SRD5A2: variants seen among roughly 807,000 people sequenced by gnomAD.
The protein encoded by SRD5A2 is steroid 5 alpha-reductase 2, also known as 3-oxo-5-alpha-steroid 4-dehydrogenase 2.
SRD5A2 carries 30 observed loss-of-function variants against 27.4 expected under a neutral mutation model. The ratio of observed to expected loss-of-function variants is 1.10; its 90% CI spans 0.82 to 1.49. The LOEUF (loss-of-function observed/expected upper bound fraction) is 1.49. Ranked by LOEUF, SRD5A2 falls within the 40% of genes most tolerant of loss-of-function variation. The pLI is 0.00. For synonymous variants in SRD5A2, 141 were observed against 133.6 expected (o/e 1.06, Z -0.38); for missense variants, 348 against 323.4 (o/e 1.08, Z -0.58).
upstream of SRD5A2, among the ~76,000 whole-genome samples, chr2:31,583,259 C>T (rs148462873): frequency 3.5e-4 from 53 of 152,254 alleles, no homozygotes; most frequent in Non-Finnish European, 5.7e-4. Flanking sequence ...AACAAAAGTA[C>T]GAGAGTAGAA....
At chr2:31,557,147 C>T (rs1186859538) in intron 1 of SRD5A2, among the ~76,000 whole-genome samples, 1 of 152,200 alleles carries the variant, frequency 6.6e-6, no homozygotes, top group Non-Finnish European at 1.5e-5. Flanking sequence ...AGTCACATGT[C>T]CACATCAGAG....
intron 1 of SRD5A2, among the ~76,000 whole-genome samples, chr2:31,552,790 A>G (rs1477706653): frequency 1.3e-5 from 2 of 152,136 alleles, no homozygotes; most frequent in Non-Finnish European, 2.9e-5. Flanking sequence ...TTAACTGTCA[A>G]CACCACTCCA....
chr2:31,622,310 T>C, the SRD5A2 span, among the ~76,000 whole-genome samples: 1 of 152,164 alleles, frequency 6.6e-6, no homozygotes, highest in Non-Finnish European at 1.5e-5. Flanking sequence ...TCATTCCTTT[T>C]TCTAGCTGCA....
At chr2:31,597,693 A>G in the SRD5A2 span, among the ~76,000 whole-genome samples, 11 of 152,190 alleles carry the variant, frequency 7.2e-5, no homozygotes, top group Non-Finnish European at 1.2e-4. Context: ...CAAGAAACAT[A>G]TTAAAAAATG....
chr2:31,580,692 CG>C lies in SRD5A2; in HGVS notation c.208del (p.Arg70GlyfsTer61). On this transcript the variant is annotated frameshift_variant, in exon 1 of 5. Transcript: ENST00000622030. LOFTEE classifies it high-confidence loss of function. ...TGGCCCGAAGAGGGAGAGGGGCTGC[CG>C]GGCGAGGATCCCCGCGGGCACCGCG... ...SFAVPAGILA[R>X]QPLSLFGPPG... 1.2e-6 allele frequency: 2 copies of C among 1,600,894 alleles called. No homozygotes were observed. The highest frequency in any genetic ancestry group is 1.7e-6 in the Non-Finnish European group (2 of 1,178,250).
the SRD5A2 span, among the ~76,000 whole-genome samples, chr2:31,633,179 T>G: frequency 6.6e-6 from 1 of 152,158 alleles, no homozygotes; most frequent in Non-Finnish European, 1.5e-5. Context: ...GCCCCAGTAC[T>G]CAACAGGATA....
At chr2:31,631,760 A>T in the SRD5A2 span, among the ~76,000 whole-genome samples, 26 of 152,324 alleles carry the variant, frequency 1.7e-4, no homozygotes, top group South Asian at 5.4e-3. Context: ...GATCTCTGTT[A>T]TCTCAGTCAG....
rs1178585185 is a variant in SRD5A2 at position 31,533,675 on chromosome 2, G to C, written c.373C>G (p.Leu125Val). ...CAGTAAATCAGATAGTAGCCTTGAA[G>C]GACTCCATTTCCAGTGCAGAAGGCA... is the stretch of plus-strand genomic sequence containing the variant. ...GTAFCTGNGVLQGYYLIYCAE... is the reference protein window; with the variant it reads ...GTAFCTGNGVVQGYYLIYCAE... Residue 125 changes from leucine to valine, a missense_variant, in exon 2 of 5, where the codon CTT becomes GTT. Transcript: ENST00000622030. 1 of 1,574,416 alleles carries C rather than the reference G, an allele frequency of 6.4e-7. No homozygotes were observed. Among genetic ancestry groups the C allele is most frequent in the East Asian group, 2.3e-5 (1 of 42,872 alleles).
At chr2:31,591,447 G>A in the SRD5A2 span, among the ~76,000 whole-genome samples, 1 of 152,096 alleles carries the variant, frequency 6.6e-6, no homozygotes, top group African/African-American at 2.4e-5. Context: ...ACAGGTGCTG[G>A]AGAGGATGTG....
At chr2:31,617,710 G>C in the SRD5A2 span, among the ~76,000 whole-genome samples, 1 of 152,178 alleles carries the variant, frequency 6.6e-6, no homozygotes. Context: ...AACCTAACAA[G>C]CATCAACTTT....
the SRD5A2 span, among the ~76,000 whole-genome samples, chr2:31,622,613 T>C: frequency 2.0e-5 from 3 of 152,128 alleles, no homozygotes; most frequent in Admixed American, 1.3e-4. Flanking sequence ...CTGCAGGCAT[T>C]GCAGTTTTTA....
chr2:31,600,618 A>C, the SRD5A2 span, among the ~76,000 whole-genome samples: 2 of 151,882 alleles, frequency 1.3e-5, no homozygotes, highest in South Asian at 2.1e-4. Flanking sequence ...TGTTGGCCAC[A>C]TGTACCACCA....
At chr2:31,629,313 G>C in the SRD5A2 span, among the ~76,000 whole-genome samples, 1 of 152,160 alleles carries the variant, frequency 6.6e-6, no homozygotes, top group Non-Finnish European at 1.5e-5. Context: ...CAAGAGGCTT[G>C]CCGCCATCTT....
In SRD5A2 at chr2:31,533,650, C is replaced by A. The variant is rs370769538; in HGVS notation, c.398G>T (p.Cys133Phe). 1.3e-6 allele frequency: 2 copies of A among 1,557,452 alleles called. No homozygotes were observed. Among genetic ancestry groups the A allele is most frequent in the South Asian group, 2.4e-5 (2 of 84,278 alleles). ...GTACCACCCATCAGGGTATTCAGCA[C>A]AGTAAATCAGATAGTAGCCTTGAAG... is the stretch of plus-strand genomic sequence containing the variant. ...GVLQGYYLIY[C>F]AEYPDGWYTD... Residue 133 changes from cysteine to phenylalanine, a missense_variant, in exon 2 of 5, where the codon TGT becomes TTT. Coordinates refer to ENST00000622030, the MANE Select transcript of SRD5A2 (RefSeq NM_000348.4).
chr2:31,649,434 A>G, the SRD5A2 span, among the ~76,000 whole-genome samples: 1 of 152,046 alleles, frequency 6.6e-6, no homozygotes, highest in Non-Finnish European at 1.5e-5. Context: ...TTTCCCAAGG[A>G]GGAAACTTGA....
At chr2:31,568,384 G>T (rs1373538955) in intron 1 of SRD5A2, among the ~76,000 whole-genome samples, 1 of 152,184 alleles carries the variant, frequency 6.6e-6, no homozygotes, top group African/African-American at 2.4e-5. Flanking sequence ...TGGAGGATGA[G>T]CAAGGCAGAG....
the SRD5A2 span, among the ~76,000 whole-genome samples, chr2:31,656,546 T>C: frequency 6.6e-6 from 1 of 152,172 alleles, no homozygotes; most frequent in African/African-American, 2.4e-5. Context: ...TAGTGCCTAA[T>C]TAAAAAAATA....
At chr2:31,622,590 T>C in the SRD5A2 span, among the ~76,000 whole-genome samples, 1 of 152,110 alleles carries the variant, frequency 6.6e-6, no homozygotes, top group Non-Finnish European at 1.5e-5. Context: ...CCCTTCCTAT[T>C]GACCAATACT....
At chr2:31,532,901 G>A in intron 2 of SRD5A2, among the ~76,000 whole-genome samples, 1 of 152,006 alleles carries the variant, frequency 6.6e-6, no homozygotes, top group African/African-American at 2.4e-5. Flanking sequence ...AAATTGGTAG[G>A]GAACTAAATA....
Sources: allele counts gnomAD v4.1 joint callset (sites outside exome capture counted in the v4.1 genomes callset), GRCh38; gene constraint gnomAD v4.1.1; transcripts MANE v1.5; gene names NCBI Gene and HGNC (gene_info 2026-07-23, HGNC 2026-07-21).